CCBE1: variants seen among roughly 807,000 people sequenced by gnomAD.
CCBE1 encodes the protein collagen and calcium-binding EGF domain-containing protein 1.
CCBE1 carries 37 observed loss-of-function variants against 50.0 expected under a neutral mutation model. The ratio of observed to expected loss-of-function variants is 0.74; its 90% CI spans 0.57 to 0.97. The LOEUF (loss-of-function observed/expected upper bound fraction) is 0.97. CCBE1 is among the 50% of genes least tolerant of loss of function. The probability of loss-of-function intolerance (pLI) is 0.00; values close to 1 mark genes in which losing one functional copy is unlikely to be tolerated. For missense variants in CCBE1, 538 were observed against 523.8 expected, an observed-to-expected ratio of 1.03 and a Z score of -0.26; for synonymous variants, 234 against 203.7, an observed-to-expected ratio of 1.15 and a Z score of -1.27.
chr18:59,616,422 G>C (rs1020052656), intron 2 of CCBE1, among the ~76,000 whole-genome samples: 1 of 152,174 alleles, frequency 6.6e-6, no homozygotes, highest in East Asian at 1.9e-4. Flanking sequence ...TATTTAAAAA[G>C]TTGGATCAGC....
At chr18:59,529,817 G>A (rs1914979228) in intron 2 of CCBE1, among the ~76,000 whole-genome samples, 2 of 152,078 alleles carry the variant, frequency 1.3e-5, no homozygotes, top group South Asian at 2.1e-4. Flanking sequence ...CCTAGCCCCT[G>A]GTGGCATTGA....
At chr18:59,573,908 A>G (rs1164161403) in intron 2 of CCBE1, among the ~76,000 whole-genome samples, 1 of 152,244 alleles carries the variant, frequency 6.6e-6, no homozygotes, top group Non-Finnish European at 1.5e-5. Context: ...GTCAGTTTTA[A>G]AAATAGTTTC....
chr18:59,551,024 A>G (rs1352422848), intron 2 of CCBE1, among the ~76,000 whole-genome samples: 3 of 140,676 alleles, frequency 2.1e-5, no homozygotes, highest in Non-Finnish European at 3.1e-5. Context: ...AAAAAAAAAA[A>G]AAAAAGAAAA....
At chr18:59,483,990 A>G (rs949229579) in intron 2 of CCBE1, among the ~76,000 whole-genome samples, 1 of 152,182 alleles carries the variant, frequency 6.6e-6, no homozygotes, top group Non-Finnish European at 1.5e-5. Context: ...ATAATTTTCC[A>G]ACCTCTCAAA....
intron 2 of CCBE1, among the ~76,000 whole-genome samples, chr18:59,585,686 A>G (rs942052665): frequency 1.3e-5 from 2 of 152,230 alleles, no homozygotes; most frequent in African/African-American, 4.8e-5. Flanking sequence ...AGAGATGCTG[A>G]AGATGCCTGG....
rs1388120068 is a variant in CCBE1, at chr18:59,563,161, A to C, written c.213-82923T>G. 3.3e-5 allele frequency among the ~76,000 whole-genome samples: 5 copies of C among 152,334 alleles called. No individual in the cohort carries two copies. In the East Asian group the frequency reaches 7.7e-4, roughly 24 times the overall value. ...AAATGGCAACTGCAGAGGTAAAGGT[A>C]CAGGTCCAGGCATGGACTGAGCGAG... On this transcript the variant is annotated intron_variant, in intron 2 of 10. Coordinates refer to ENST00000439986, the MANE Select transcript of CCBE1 (RefSeq NM_133459.4).
chr18:59,602,798 G>A (rs2053450105), intron 2 of CCBE1, among the ~76,000 whole-genome samples: 1 of 152,186 alleles, frequency 6.6e-6, no homozygotes, highest in Non-Finnish European at 1.5e-5. Flanking sequence ...GAAGACTACA[G>A]AGTGATCAAA....
chr18:59,456,529 A>G (rs955298510), intron 5 of CCBE1, among the ~76,000 whole-genome samples: 9 of 152,166 alleles, frequency 5.9e-5, no homozygotes, highest in African/African-American at 2.2e-4. Flanking sequence ...TGATGACCAG[A>G]TGCTGGGGAA....
chr18:59,508,334 A>G (rs1185598743), intron 2 of CCBE1, among the ~76,000 whole-genome samples: 1 of 149,926 alleles, frequency 6.7e-6, no homozygotes, highest in Non-Finnish European at 1.5e-5. Context: ...GTGGTGGCTC[A>G]CGCCTGTAAT....
At chr18:59,621,134 T>G (rs2053704912) in intron 2 of CCBE1, among the ~76,000 whole-genome samples, 1 of 152,178 alleles carries the variant, frequency 6.6e-6, no homozygotes, top group Non-Finnish European at 1.5e-5. Context: ...AAACAGAGCA[T>G]GTGACTGGGG....
intron 2 of CCBE1, among the ~76,000 whole-genome samples, chr18:59,630,130 C>T (rs531682818): frequency 6.6e-5 from 10 of 152,302 alleles, no homozygotes; most frequent in Admixed American, 2.6e-4. Flanking sequence ...CCACCATGTG[C>T]GGCAAAGCTG....
At chr18:59,543,292 C>T (rs1915540905) in intron 2 of CCBE1, among the ~76,000 whole-genome samples, 1 of 152,194 alleles carries the variant, frequency 6.6e-6, no homozygotes, top group Non-Finnish European at 1.5e-5. Flanking sequence ...AATTCTGTGC[C>T]AGGCCTCTGC....
intron 7 of CCBE1, among the ~76,000 whole-genome samples, chr18:59,447,274 A>G (rs1910719128): frequency 6.6e-6 from 1 of 152,168 alleles, no homozygotes; most frequent in African/African-American, 2.4e-5. Flanking sequence ...AGAACAGGTA[A>G]AACTACAGTG....
At chr18:59,455,166 G>A (rs1170524619) in intron 5 of CCBE1, 12 of 648,116 alleles carry the variant, frequency 1.9e-5, no homozygotes, top group South Asian at 1.1e-4. Context: ...CCTGCTAGAA[G>A]CTGGGCTCAG....
At chr18:59,687,499 C>CAA in intron 2 of CCBE1, among the ~76,000 whole-genome samples, 1 of 152,178 alleles carries the variant, frequency 6.6e-6, no homozygotes, top group Non-Finnish European at 1.5e-5. Flanking sequence ...CCTTCCTTTG[C>CAA]CAAAATACCA....
chr18:59,651,810 C>T (rs1041246972), intron 2 of CCBE1, among the ~76,000 whole-genome samples: 3 of 152,150 alleles, frequency 2.0e-5, no homozygotes, highest in Non-Finnish European at 2.9e-5. Flanking sequence ...AAGTGGAAAG[C>T]CAGTGCTTTT....
rs144640755 is a variant in CCBE1, at chr18:59,461,801, C to T, written c.553+4938G>A. Among the ~76,000 whole-genome samples the T allele has an allele frequency of 8.9e-3, 1,214 of 136,948 alleles. 10 individuals carry two copies. The highest frequency in any genetic ancestry group is 0.012 in the Non-Finnish European group (808 of 65,622). The allele number at this position is 136,948 out of a possible 152,430, so 89.8% of individuals were successfully genotyped here. A position where few individuals can be genotyped will look rare whatever the true frequency, so the allele number is the denominator to read the frequency against. On this transcript the variant is annotated intron_variant, in intron 5 of 10. Coordinates refer to ENST00000439986, the MANE Select transcript of CCBE1 (RefSeq NM_133459.4). The stretch of plus-strand genomic sequence containing the variant: ...CAAGCCAAGTGCAATGGTGTGATCT[C>T]GGCTCACTGCAACCTCAGCCTCCTG...
intron 2 of CCBE1, among the ~76,000 whole-genome samples, chr18:59,587,298 G>A (rs752858968): frequency 6.6e-6 from 1 of 152,104 alleles, no homozygotes; most frequent in Non-Finnish European, 1.5e-5. Context: ...AATATATTGT[G>A]GTCAGCTTGG....
intron 2 of CCBE1, among the ~76,000 whole-genome samples, chr18:59,483,967 GCT>G (rs1472452953): frequency 3.9e-5 from 6 of 152,092 alleles, no homozygotes; most frequent in African/African-American, 1.4e-4. Flanking sequence ...TGTCCAGAGT[GCT>G]CTTATTAGAC....
Sources: allele counts gnomAD v4.1 joint callset (sites outside exome capture counted in the v4.1 genomes callset), GRCh38; gene constraint gnomAD v4.1.1; transcripts MANE v1.5; gene names NCBI Gene and HGNC (gene_info 2026-07-23, HGNC 2026-07-21).